C1QB: variants seen among roughly 807,000 people sequenced by gnomAD.
The protein encoded by C1QB is complement C1q B chain, also known as complement C1q subcomponent subunit B.
In C1QB, 2 loss-of-function variants were observed where a neutral mutation model predicts 4.6. The ratio of observed to expected loss-of-function variants is 0.43; its 90% CI spans 0.18 to 1.36. The LOEUF is 1.36. C1QB is among the 40% of genes most tolerant of loss of function. The pLI, the probability that C1QB is intolerant of heterozygous loss-of-function variation, is 0.28. For synonymous variants in C1QB, 132 were observed against 137.1 expected, an observed-to-expected ratio of 0.96 and a Z score of 0.26; for missense variants, 292 against 338.0, an observed-to-expected ratio of 0.86 and a Z score of 1.07.
At position 22,661,272 on chromosome 1, in the gene C1QB, G is replaced by T. The variant is rs758489060; in HGVS notation, c.642G>T (p.Leu214=). Residue 214 remains leucine (L), a synonymous_variant, in exon 3 of 3, where the codon CTG becomes CTT. Coordinates refer to ENST00000509305, the MANE Select transcript of C1QB (RefSeq NM_001378156.1). ...CCACCGGTGGCATGGTCCTCAAGCT[G>T]GAGCAGGGGGAGAACGTCTTCCTGC... The part of the protein sequence containing the change: ...QVTTGGMVLK[L]EQGENVFLQA... 1.2e-6 allele frequency: 2 copies of T among 1,613,644 alleles called. No individual in the cohort carries two copies. Among genetic ancestry groups the T allele is most frequent in the South Asian group, 2.2e-5 (2 of 91,056 alleles).
At chr1:22,654,178 G>C (rs1303383511) in intron 1 of C1QB, 1 of 152,572 alleles carries the variant, frequency 6.6e-6, no homozygotes, top group Non-Finnish European at 1.5e-5. Context: ...CCTGGGGGGA[G>C]GACAGGAGAA....
chr1:22,656,922 T>C (rs1642538754), intron 1 of C1QB, among the ~76,000 whole-genome samples: 2 of 152,090 alleles, frequency 1.3e-5, no homozygotes, highest in Admixed American at 6.5e-5. Context: ...TTATAAACAA[T>C]ACTATAAAGG....
rs1481968055 is a variant in C1QB at position 22,659,580 on chromosome 1, G to A, written c.118G>A (p.Gly40Ser). 6.2e-7 allele frequency: 1 copy of A among 1,613,970 alleles called. No individual in the cohort carries two copies. The highest frequency in any genetic ancestry group is 8.5e-7 in the Non-Finnish European group (1 of 1,179,950). Reference protein sequence around the residue: ...TGPPAIPGIPGIPGTPGPDGQ... With the variant: ...TGPPAIPGIPSIPGTPGPDGQ... ...GCCCCCAGCCATCCCTGGCATCCCGGGTATCCCTGGGACACCTGGCCCCGA... is the reference window on the plus strand; with the variant it reads ...GCCCCCAGCCATCCCTGGCATCCCGAGTATCCCTGGGACACCTGGCCCCGA... Residue 40 changes from glycine to serine, a missense_variant, in exon 2 of 3, where the codon GGT becomes AGT. By Grantham distance (56) the Gly-to-Ser change is moderately conservative. Transcript: ENST00000509305.
In C1QB at chr1:22,660,882, A is replaced by G. The variant is rs763074321; in HGVS notation, c.252A>G (p.Pro84=). The change falls in exon 3 of 3, where the codon CCA becomes CCG. Residue 84 remains proline (P), a synonymous_variant. Coordinates refer to ENST00000509305, the MANE Select transcript of C1QB (RefSeq NM_001378156.1). ...GAGACCCAGGGATTCCTGGGAATCC[A>G]GGAAAAGTCGGCCCCAAGGGCCCCA... The part of the protein sequence containing the change: ...EKGDPGIPGN[P]GKVGPKGPMG... 3.7e-6 allele frequency: 6 copies of G among 1,613,544 alleles called. No individual in the cohort carries two copies. The South Asian group carries it at 5.5e-5, about 15-fold the overall frequency.
intron 1 of C1QB, among the ~76,000 whole-genome samples, chr1:22,655,862 A>G (rs1224356190): frequency 6.6e-6 from 1 of 152,224 alleles, no homozygotes. Flanking sequence ...CTCTGAGGAA[A>G]GGTTTCCTGG....
At chr1:22,658,343 T>G (rs145686577) in intron 1 of C1QB, among the ~76,000 whole-genome samples, 64 of 152,300 alleles carry the variant, frequency 4.2e-4, no homozygotes, top group African/African-American at 1.3e-3. Context: ...CCACCTTTTC[T>G]GGACCTTCAG....
In C1QB at chr1:22,661,045, C is replaced by T. The variant is rs751044051; in HGVS notation, c.415C>T (p.Arg139Cys). ...NVPLRRDQTIRFDHVITNMNN... is the reference protein window; with the variant it reads ...NVPLRRDQTICFDHVITNMNN... ...CCCCCTGCGCCGGGACCAGACCATC[C>T]GCTTCGACCACGTGATCACCAACAT... The change falls in exon 3 of 3, where the codon CGC becomes TGC. Residue 139 changes from arginine (R) to cysteine (C), a missense_variant. By Grantham distance (180) the Arg-to-Cys change is radical. Transcript: ENST00000509305. 26 of 1,613,956 alleles carry T rather than the reference C, an allele frequency of 1.6e-5. No homozygotes were observed. The highest frequency in any genetic ancestry group is 2.1e-5 in the Non-Finnish European group (25 of 1,180,014).
At position 22,661,018 on chromosome 1, in the gene C1QB, G is replaced by A. The variant is rs200457185; in HGVS notation, c.388G>A (p.Val130Ile). 119 of 1,613,814 alleles carry A rather than the reference G, an allele frequency of 7.4e-5. No individual in the cohort carries two copies. Among genetic ancestry groups the A allele is most frequent in the Non-Finnish European group, 6.3e-5 (74 of 1,179,938 alleles). ...CTTCTCTGCCACAAGAACCATCAAC[G>A]TCCCCCTGCGCCGGGACCAGACCAT... is the stretch of plus-strand genomic sequence containing the variant. ...IAFSATRTIN[V>I]PLRRDQTIRF... is the part of the protein sequence containing the mutation. The change falls in exon 3 of 3, where the codon GTC becomes ATC. Residue 130 changes from valine (V) to isoleucine (I), a missense_variant. Coordinates refer to ENST00000509305, the MANE Select transcript of C1QB (RefSeq NM_001378156.1).
At chr1:22,658,506 C>T (rs544195436) in intron 1 of C1QB, among the ~76,000 whole-genome samples, 90 of 152,328 alleles carry the variant, frequency 5.9e-4, no homozygotes, top group African/African-American at 2.1e-3. Context: ...GCACCAATCA[C>T]GGTCTATCAC....
chr1:22,653,795 C>T (rs1225873332), intron 1 of C1QB, among the ~76,000 whole-genome samples: 1 of 152,214 alleles, frequency 6.6e-6, no homozygotes, highest in Admixed American at 6.5e-5. Flanking sequence ...CAGCATTTCC[C>T]CAACACCTTG....
At chr1:22,658,353 G>T (rs1642556991) in intron 1 of C1QB, among the ~76,000 whole-genome samples, 1 of 152,108 alleles carries the variant, frequency 6.6e-6, no homozygotes, top group Admixed American at 6.6e-5. Context: ...TGGACCTTCA[G>T]GTCTCAGCCT....
In C1QB at chr1:22,661,470, T is replaced by C; in HGVS notation, c.*84T>C. The C allele has an allele frequency of 6.8e-7, 1 of 1,475,074 alleles. No individual in the cohort carries two copies. Among genetic ancestry groups the C allele is most frequent in the East Asian group, 2.3e-5 (1 of 44,136 alleles). The allele number at this position is 1,475,074 out of a possible 1,614,324, so 91.4% of individuals were successfully genotyped here. A position where few individuals can be genotyped will look rare whatever the true frequency, so the allele number is the denominator to read the frequency against. Reference sequence around the variant, plus strand: ...CCAACACCACCCCTTGCCCAACCAATGCACACAGTAGGGCTTGGTGAATGC... The same window carrying C: ...CCAACACCACCCCTTGCCCAACCAACGCACACAGTAGGGCTTGGTGAATGC... On this transcript the variant is annotated 3_prime_UTR_variant, in exon 3 of 3. Transcript: ENST00000509305.
At chr1:22,658,601 G>T (rs1642560878) in intron 1 of C1QB, among the ~76,000 whole-genome samples, 1 of 152,262 alleles carries the variant, frequency 6.6e-6, no homozygotes, top group Non-Finnish European at 1.5e-5. Context: ...GGAGGGCAGG[G>T]ACTGTATCCG....
chr1:22,660,829 G>A lies in C1QB; in HGVS notation c.199G>A (p.Gly67Arg). Residue 67 changes from glycine to arginine, a missense_variant, in exon 3 of 3, where the codon GGA becomes AGA. By Grantham distance (125) the Gly-to-Arg change is moderately radical. Transcript: ENST00000509305. Reference sequence around the variant, plus strand: ...TTTTCCAGGGCTTCCAGGGCTGGCTGGAGACCATGGTGAGTTCGGAGAGAA... The same window carrying A: ...TTTTCCAGGGCTTCCAGGGCTGGCTAGAGACCATGGTGAGTTCGGAGAGAA... The part of the protein sequence containing the change: ...KGEKGLPGLA[G>R]DHGEFGEKGD... 1 of 1,613,980 alleles carries A rather than the reference G, an allele frequency of 6.2e-7. No homozygotes were observed.
At position 22,660,827 on chromosome 1, in the gene C1QB, C is replaced by G; in HGVS notation, c.197C>G (p.Ala66Gly). 1 of 1,614,022 alleles carries G rather than the reference C, an allele frequency of 6.2e-7. No individual in the cohort carries two copies. Among genetic ancestry groups the G allele is most frequent in the Non-Finnish European group, 8.5e-7 (1 of 1,179,986 alleles). ...IKGEKGLPGL[A>G]GDHGEFGEKG... The stretch of plus-strand genomic sequence containing the variant: ...GCTTTTCCAGGGCTTCCAGGGCTGG[C>G]TGGAGACCATGGTGAGTTCGGAGAG... The change falls in exon 3 of 3, where the codon GCT (alanine) becomes GGT (glycine). Residue 66 changes from alanine to glycine, a missense_variant. Physicochemically the swap from Ala to Gly is moderately conservative, Grantham distance 60. Transcript: ENST00000509305.
intron 1 of C1QB, among the ~76,000 whole-genome samples, chr1:22,658,411 T>C (rs1490652866): frequency 6.6e-6 from 1 of 152,168 alleles, no homozygotes; most frequent in Non-Finnish European, 1.5e-5. Flanking sequence ...ACTTTCCTGG[T>C]GGGAGGACTT....
Position 22,661,513 on chromosome 1 carries a change from A to G in C1QB, c.*127A>G, listed in dbSNP as rs1642622904. 2.7e-6 allele frequency: 3 copies of G among 1,127,214 alleles called. No individual in the cohort carries two copies. The highest frequency in any genetic ancestry group is 3.9e-6 in the Non-Finnish European group (3 of 764,002). The allele number at this position is 1,127,214 out of a possible 1,614,324, so 69.8% of individuals were successfully genotyped here. On this transcript the variant is annotated 3_prime_UTR_variant, in exon 3 of 3. Coordinates refer to ENST00000509305, the MANE Select transcript of C1QB (RefSeq NM_001378156.1). ...GTGAATGCTGCTGAGTGAATGAGTA[A>G]ATAAACTCTTCAAGGCCAAGGGACA...
rs1642622555 is a variant in C1QB, at chr1:22,661,479, T to C, written c.*93T>C. 1 of 1,421,232 alleles carries C rather than the reference T, an allele frequency of 7.0e-7. No individual in the cohort carries two copies. The highest frequency in any genetic ancestry group is 1.7e-5 in the Admixed American group (1 of 58,752). 88.0% of individuals were successfully genotyped at this position (1,421,232 alleles called of 1,614,324 possible). A position where few individuals can be genotyped will look rare whatever the true frequency, so the allele number is the denominator to read the frequency against. The stretch of plus-strand genomic sequence containing the variant: ...CCCCTTGCCCAACCAATGCACACAG[T>C]AGGGCTTGGTGAATGCTGCTGAGTG... On this transcript the variant is annotated 3_prime_UTR_variant, in exon 3 of 3. Transcript: ENST00000509305.
chr1:22,659,034 GAC>G, intron 1 of C1QB, among the ~76,000 whole-genome samples: 1 of 126,944 alleles, frequency 7.9e-6, no homozygotes, highest in South Asian at 2.8e-4. Context: ...GGGATAGAGA[GAC>G]AGATGGATGG....
Sources: allele counts gnomAD v4.1 joint callset (sites outside exome capture counted in the v4.1 genomes callset), GRCh38; gene constraint gnomAD v4.1.1; transcripts MANE v1.5; gene names NCBI Gene and HGNC (gene_info 2026-07-23, HGNC 2026-07-21).